The following GEM variants were observed in gnomAD, a reference collection of about 807,000 sequenced individuals.
The protein encoded by GEM is GTP-binding protein GEM.
GEM carries 31 observed loss-of-function variants against 33.0 expected under a neutral mutation model. The ratio of observed to expected loss-of-function variants is 0.94; its 90% CI spans 0.71 to 1.27. GEM has a LOEUF of 1.27. Among genes scored for constraint, GEM ranks in the 50% most tolerant of loss-of-function variants. GEM has a pLI of 0.00. For missense variants in GEM, 354 were observed against 390.5 expected, an observed-to-expected ratio of 0.91 and a Z score of 0.79; for synonymous variants, 141 against 143.7, an observed-to-expected ratio of 0.98 and a Z score of 0.13.
In GEM at chr8:94,250,367, G is replaced by T. The variant is rs767490302; in HGVS notation, c.834C>A (p.Asn278Lys). The stretch of plus-strand genomic sequence containing the variant: ...ACTTGAGCTTGAAGGCCATATTCTT[G>T]TTGTTTTTGGCCACGATCTTGCCCC... ...RFWGKIVAKNNKNMAFKLKSK... is the reference protein window; with the variant it reads ...RFWGKIVAKNKKNMAFKLKSK... Residue 278 changes from asparagine to lysine, a missense_variant, in exon 5 of 5, where the codon AAC becomes AAA. Transcript: ENST00000297596. The T allele has an allele frequency of 2.5e-6, 4 of 1,614,098 alleles. No individual in the cohort carries two copies. The highest frequency in any genetic ancestry group is 3.4e-6 in the Non-Finnish European group (4 of 1,179,948).
intron 1 of GEM, 52 bp from the exon 2 acceptor site, chr8:94,260,564 T>C: frequency 1.0e-6 from 1 of 970,548 alleles, no homozygotes; most frequent in African/African-American, 1.6e-5. Flanking sequence ...GAGTGAGAGC[T>C]CCGCTCAAAT....
chr8:94,260,602 T>C, intron 1 of GEM, 90 bp from the exon 2 acceptor site: 1 of 705,388 alleles, frequency 1.4e-6, no homozygotes, highest in Non-Finnish European at 2.3e-6. Context: ...TAATATTTTA[T>C]TAGATGAGAT....
At chr8:94,257,702 A>G (rs1563607561) in intron 2 of GEM, among the ~76,000 whole-genome samples, 2 of 152,206 alleles carry the variant, frequency 1.3e-5, no homozygotes, top group Non-Finnish European at 2.9e-5. Context: ...TGTGCTATAC[A>G]TTCAGTAACT....
chr8:94,260,530 C>A lies in GEM; in HGVS notation c.-9-18G>T, dbSNP rs1402497283. Reference sequence around the variant, plus strand: ...GTTGAGTCCTGGGGAGCAAAGCAGCCAAGATGGCAGCATTAGTAAGCATGA... The same window carrying A: ...GTTGAGTCCTGGGGAGCAAAGCAGCAAAGATGGCAGCATTAGTAAGCATGA... On this transcript the variant is annotated intron_variant, in intron 1 of 4. Coordinates refer to ENST00000297596, the MANE Select transcript of GEM (RefSeq NM_005261.4). 4.1e-6 allele frequency: 6 copies of A among 1,467,142 alleles called. No individual in the cohort carries two copies. The Admixed American group carries it at 8.8e-5, about 21-fold the overall frequency. The allele number at this position is 1,467,142 out of a possible 1,614,324, so 90.9% of individuals were successfully genotyped here. A position where few individuals can be genotyped will look rare whatever the true frequency, so the allele number is the denominator to read the frequency against.
chr8:94,257,044 T>C (rs1808905044), intron 2 of GEM, among the ~76,000 whole-genome samples: 1 of 152,222 alleles, frequency 6.6e-6, no homozygotes, highest in African/African-American at 2.4e-5. Context: ...CGTACTTTGC[T>C]ATATATGTGT....
At chr8:94,253,391 C>T (rs1304242266) in intron 2 of GEM, among the ~76,000 whole-genome samples, 1 of 152,152 alleles carries the variant, frequency 6.6e-6, no homozygotes, top group African/African-American at 2.4e-5. Context: ...ATTCCTGGAC[C>T]TTTTGTATGG....
chr8:94,251,482 A>G (rs774549805), intron 4 of GEM, among the ~76,000 whole-genome samples: 13 of 152,206 alleles, frequency 8.5e-5, no homozygotes, highest in Non-Finnish European at 1.9e-4. Context: ...TAAAATCTCA[A>G]GGGCTATAAA....
In GEM at chr8:94,260,402, C is replaced by G; in HGVS notation, c.102G>C (p.Gln34His). ...GGTGGCTGTACTGGTGGGGCTCTTTCTGGACCATCAGATGCCTGCCATCAG... is the reference window on the plus strand; with the variant it reads ...GGTGGCTGTACTGGTGGGGCTCTTTGTGGACCATCAGATGCCTGCCATCAG... ...IPADGRHLMV[Q>H]KEPHQYSHRN... is the part of the protein sequence containing the mutation. The change falls in exon 2 of 5, where the codon CAG becomes CAC. Residue 34 changes from glutamine to histidine, a missense_variant. Transcript: ENST00000297596. 6.2e-7 allele frequency: 1 copy of G among 1,614,008 alleles called. No homozygotes were observed. The highest frequency in any genetic ancestry group is 8.5e-7 in the Non-Finnish European group (1 of 1,179,970).
At chr8:94,262,063 C>G (rs1410902737) in intron 1 of GEM, 27 bp downstream of exon 1, 3 of 152,330 alleles carry the variant, frequency 2.0e-5, no homozygotes. Flanking sequence ...AAGCGACATC[C>G]TTTGCACTTG....
intron 3 of GEM, 112 bp downstream of exon 3, chr8:94,252,924 G>A: frequency 6.2e-6 from 4 of 646,630 alleles, no homozygotes; most frequent in Non-Finnish European, 1.1e-5. Context: ...TCAAGAAAAT[G>A]AGCCCACCTC....
intron 2 of GEM, among the ~76,000 whole-genome samples, chr8:94,256,768 A>C (rs1032837577): frequency 6.6e-6 from 1 of 152,254 alleles, no homozygotes; most frequent in Non-Finnish European, 1.5e-5. Flanking sequence ...CACTTTTGAA[A>C]GATAAGCACA....
rs1808735993 is a variant in GEM at position 94,250,418 on chromosome 8, G to T, written c.783C>A (p.Ser261Arg). ...AGAAGCGCCTGGCTTTCCTGGGCATGCTCTCCTTCCTTTTCTGGTAGGCCA... is the reference window on the plus strand; with the variant it reads ...AGAAGCGCCTGGCTTTCCTGGGCATTCTCTCCTTCCTTTTCTGGTAGGCCA... ...RRLAYQKRKESMPRKARRFWG... is the reference protein window; with the variant it reads ...RRLAYQKRKERMPRKARRFWG... Residue 261 changes from serine (S) to arginine (R), a missense_variant, in exon 5 of 5, where the codon AGC (serine) becomes AGA (arginine). Transcript: ENST00000297596. The T allele has an allele frequency of 1.2e-6, 2 of 1,614,036 alleles. No homozygotes were observed. The highest frequency in any genetic ancestry group is 1.3e-5 in the African/African-American group (1 of 74,930).
At chr8:94,261,270 G>T (rs1419967825) in intron 1 of GEM, among the ~76,000 whole-genome samples, 2 of 152,294 alleles carry the variant, frequency 1.3e-5, no homozygotes, top group East Asian at 3.9e-4. Context: ...ACCTGCTCAT[G>T]TTCAGACCTA....
chr8:94,255,212 G>T (rs76614357), intron 2 of GEM, among the ~76,000 whole-genome samples: 1 of 152,100 alleles, frequency 6.6e-6, no homozygotes, highest in Non-Finnish European at 1.5e-5. Flanking sequence ...TGTTCCAATC[G>T]CTGACGGAAA....
In GEM at chr8:94,252,096, C is replaced by T. The variant is rs1301234891; in HGVS notation, c.536G>A (p.Arg179Gln). The change falls in exon 4 of 5, where the codon CGG becomes CAG. Residue 179 changes from arginine (R) to glutamine (Q), a missense_variant. Transcript: ENST00000297596. Reference sequence around the variant, plus strand: ...AATTATGGGAATGTCCTCTGTCTGCCGGGCCCTGCGGAGCTGGATTCGCAG... The same window carrying T: ...AATTATGGGAATGTCCTCTGTCTGCTGGGCCCTGCGGAGCTGGATTCGCAG... ...SELRIQLRRA[R>Q]QTEDIPIILV... 5.6e-6 allele frequency: 9 copies of T among 1,613,976 alleles called. No homozygotes were observed. The highest frequency in any genetic ancestry group is 2.2e-5 in the South Asian group (2 of 91,080).
At chr8:94,255,000 C>T (rs2450557) in intron 2 of GEM, among the ~76,000 whole-genome samples, 59,795 of 152,020 alleles carry the variant, frequency 0.39, 12,743 homozygotes, top group Non-Finnish European at 0.48. Context: ...AATTAGACAA[C>T]GCAAGGGAGA....
At chr8:94,253,931 C>T (rs1808832504) in intron 2 of GEM, among the ~76,000 whole-genome samples, 1 of 152,142 alleles carries the variant, frequency 6.6e-6, no homozygotes, top group African/African-American at 2.4e-5. Flanking sequence ...GAGCCCATCC[C>T]CACTCTATTT....
At chr8:94,253,233 G>C (rs1022025286) in intron 2 of GEM, 121 bp from the exon 3 acceptor site, 2 of 651,182 alleles carry the variant, frequency 3.1e-6, no homozygotes, top group South Asian at 3.8e-5. Flanking sequence ...AATTATGTAA[G>C]TATACAGATA....
intron 2 of GEM, among the ~76,000 whole-genome samples, chr8:94,256,132 G>C (rs1332208982): frequency 6.6e-6 from 1 of 151,852 alleles, no homozygotes; most frequent in Admixed American, 6.6e-5. Flanking sequence ...GATAGTCTAA[G>C]TCCTTGGCCT....
Sources: gnomAD v4.1 joint callset for allele counts (sites outside exome capture counted in the v4.1 genomes callset) on GRCh38, gnomAD v4.1.1 for gene constraint, MANE v1.5 for transcripts, NCBI Gene and HGNC (gene_info 2026-07-23, HGNC 2026-07-21) for gene names.